The following SH3RF3 variants were observed in gnomAD, a reference collection of about 807,000 sequenced individuals.
SH3RF3 encodes the protein SH3 domain containing ring finger 3.
Under a neutral mutation model 66.3 loss-of-function variants are expected in SH3RF3, and 29 were observed. The ratio of observed to expected loss-of-function variants is 0.44; its 90% CI spans 0.33 to 0.60. The LOEUF is 0.60. Ranked by LOEUF, SH3RF3 falls within the 20% of genes least tolerant of loss-of-function variation. The pLI is 0.04. For missense variants in SH3RF3, 1,194 were observed against 1,190.9 expected (o/e 1.00, Z -0.04); for synonymous variants, 583 against 532.0 (o/e 1.10, Z -1.32).
At chr2:109,296,406 T>C (rs908249694) in intron 1 of SH3RF3, among the ~76,000 whole-genome samples, 26 of 151,564 alleles carry the variant, frequency 1.7e-4, no homozygotes, top group African/African-American at 5.8e-4. Flanking sequence ...TTTTTGTGTG[T>C]GTGTTTTTTA....
chr2:109,206,191 C>T (rs74266256), intron 1 of SH3RF3, among the ~76,000 whole-genome samples: 10,000 of 152,032 alleles, frequency 0.066, 574 homozygotes, highest in East Asian at 0.2. Context: ...TAACTATGGT[C>T]GAGATTAGAG....
chr2:109,146,032 CGGAGTCCATGCGGGCCGAG>C (rs72205718), intron 1 of SH3RF3, among the ~76,000 whole-genome samples: 11,018 of 152,134 alleles, frequency 0.072, 1,287 homozygotes, highest in African/African-American at 0.24. Context: ...TGTGGGCCGA[CGGAGTCCATGCGGGCCGAG>C]GGAGTCCATG....
intron 1 of SH3RF3, among the ~76,000 whole-genome samples, chr2:109,136,266 A>G (rs1002497199): frequency 1.3e-5 from 2 of 152,126 alleles, no homozygotes; most frequent in Non-Finnish European, 2.9e-5. Flanking sequence ...TGCTGGGGGA[A>G]ATGCTCTTGA....
chr2:109,178,692 A>G (rs999593435), intron 1 of SH3RF3, among the ~76,000 whole-genome samples: 1 of 152,172 alleles, frequency 6.6e-6, no homozygotes, highest in African/African-American at 2.4e-5. Flanking sequence ...ACTTTGTCAA[A>G]GTTCTTGTGT....
In SH3RF3 at chr2:109,478,475, GT is replaced by G. The variant is rs558477975; in HGVS notation, c.2149-12128del. The stretch of plus-strand genomic sequence containing the variant: ...CTGCGATTTGGTTTGAATGTATTCA[GT>G]TATCTAGATGTCTTCATGCTTTCCA... On this transcript the variant is annotated intron_variant, in intron 8 of 9. Transcript: ENST00000309415. Among the ~76,000 whole-genome samples the G allele has an allele frequency of 3.1e-3, 479 of 152,328 alleles. 3 individuals are homozygous for G. The highest frequency in any genetic ancestry group is 0.011 in the African/African-American group (461 of 41,566).
intron 8 of SH3RF3, among the ~76,000 whole-genome samples, chr2:109,452,475 G>C (rs915708717): frequency 6.6e-6 from 1 of 152,230 alleles, no homozygotes; most frequent in Non-Finnish European, 1.5e-5. Flanking sequence ...ATATACCTCA[G>C]TGCAGCGCAG....
chr2:109,459,692 C>T (rs750674440), intron 8 of SH3RF3, among the ~76,000 whole-genome samples: 6 of 152,240 alleles, frequency 3.9e-5, no homozygotes, highest in South Asian at 2.1e-4. Flanking sequence ...GATCCCAAAG[C>T]GGCTGAGTGG....
intron 3 of SH3RF3, among the ~76,000 whole-genome samples, chr2:109,391,554 G>A (rs1019669113): frequency 1.3e-5 from 2 of 152,254 alleles, no homozygotes; most frequent in African/African-American, 2.4e-5. Flanking sequence ...ATCTCCTCCA[G>A]GGTAGAAGCC....
At chr2:109,399,190 A>G (rs1017888416) in intron 4 of SH3RF3, among the ~76,000 whole-genome samples, 4 of 152,140 alleles carry the variant, frequency 2.6e-5, no homozygotes, top group Non-Finnish European at 5.9e-5. Flanking sequence ...TCAGTGGTCC[A>G]GGGAATGTCT....
chr2:109,446,377 C>G (rs1233742635), intron 7 of SH3RF3, among the ~76,000 whole-genome samples: 2 of 152,204 alleles, frequency 1.3e-5, no homozygotes, highest in African/African-American at 4.8e-5. Context: ...AGCCATGTCC[C>G]CACCTCATGG....
At chr2:109,347,976 G>C (rs754333881) in intron 2 of SH3RF3, 27 bp downstream of exon 2, 1 of 1,569,150 alleles carries the variant, frequency 6.4e-7, no homozygotes, top group African/African-American at 1.4e-5. Context: ...GGTGGGCCCC[G>C]CCAGCCCATG....
intron 1 of SH3RF3, among the ~76,000 whole-genome samples, chr2:109,304,152 C>T (rs1176797212): frequency 1.3e-5 from 2 of 151,956 alleles, no homozygotes; most frequent in African/African-American, 2.4e-5. Flanking sequence ...GTAGACAGTA[C>T]AGTATTGTTA....
chr2:109,379,590 T>G (rs1236261216), intron 3 of SH3RF3, among the ~76,000 whole-genome samples: 1 of 152,222 alleles, frequency 6.6e-6, no homozygotes, highest in Non-Finnish European at 1.5e-5. Context: ...CTGGGGAAGA[T>G]GCAGTTTTGT....
chr2:109,150,970 G>T (rs773455503), intron 1 of SH3RF3, among the ~76,000 whole-genome samples: 14 of 152,206 alleles, frequency 9.2e-5, no homozygotes, highest in Non-Finnish European at 1.6e-4. Flanking sequence ...GGGAAGTCAG[G>T]TGGTACCTTT....
Position 109,129,619 on chromosome 2 carries a change from C to A in SH3RF3, c.79C>A (p.Pro27Thr), listed in dbSNP as rs1254941196. 2.0e-6 allele frequency: 3 copies of A among 1,490,092 alleles called. No individual in the cohort carries two copies. Among genetic ancestry groups the A allele is most frequent in the East Asian group, 2.7e-5 (1 of 36,602 alleles). The allele number at this position is 1,490,092 out of a possible 1,614,324, so 92.3% of individuals were successfully genotyped here. Residue 27 changes from proline (P) to threonine (T), a missense_variant, in exon 1 of 10, where the codon CCA (proline) becomes ACA (threonine). By Grantham distance (38) the Pro-to-Thr change is conservative. Coordinates refer to ENST00000309415, the MANE Select transcript of SH3RF3 (RefSeq NM_001099289.3). ...GCAGAGCGAGGGCGACGAGGACAGG[C>A]CAGGCGAGCGACGGCGGCGTCGGGC... is the stretch of plus-strand genomic sequence containing the variant. ...AAQSEGDEDR[P>T]GERRRRRAAA... is the part of the protein sequence containing the mutation.
At chr2:109,376,602 G>A (rs1413470965) in intron 3 of SH3RF3, among the ~76,000 whole-genome samples, 6 of 152,224 alleles carry the variant, frequency 3.9e-5, no homozygotes, top group Admixed American at 2.0e-4. Context: ...TGACAACATC[G>A]GTTGTCCAGG....
chr2:109,486,914 C>G (rs1290121434), intron 8 of SH3RF3, among the ~76,000 whole-genome samples: 1 of 152,208 alleles, frequency 6.6e-6, no homozygotes, highest in African/African-American at 2.4e-5. Context: ...CGTTTTGTTC[C>G]TAACAGATCC....
intron 7 of SH3RF3, among the ~76,000 whole-genome samples, chr2:109,442,310 CAA>C (rs530557141): frequency 2.5e-4 from 19 of 75,848 alleles, no homozygotes; most frequent in Admixed American, 3.3e-4. Context: ...GACTCCACCT[CAA>C]AAAAAAAAAA....
At chr2:109,344,308 C>T (rs1682631446) in intron 1 of SH3RF3, among the ~76,000 whole-genome samples, 1 of 152,138 alleles carries the variant, frequency 6.6e-6, no homozygotes, top group South Asian at 2.1e-4. Context: ...TAGGAGGGCA[C>T]AGGTGGTGAC....
Sources: gnomAD v4.1 joint callset for allele counts (sites outside exome capture counted in the v4.1 genomes callset) on GRCh38, gnomAD v4.1.1 for gene constraint, MANE v1.5 for transcripts, NCBI Gene and HGNC (gene_info 2026-07-23, HGNC 2026-07-21) for gene names.